The following AKAP13 variants were observed in gnomAD, a reference collection of about 807,000 sequenced individuals.
AKAP13 encodes the protein A-kinase anchoring protein 13.
A neutral mutation model predicts 264.5 loss-of-function variants in AKAP13; 80 were observed. The observed-to-expected ratio is 0.30, with a 90% CI of 0.25 to 0.36. The LOEUF (loss-of-function observed/expected upper bound fraction) is 0.36. Among genes scored for constraint, AKAP13 ranks in the 10% least tolerant of loss-of-function variants. The probability of loss-of-function intolerance (pLI) is 1.00; values close to 1 mark genes in which losing one functional copy is unlikely to be tolerated. For synonymous variants in AKAP13, 1,380 were observed against 1,250.2 expected, an observed-to-expected ratio of 1.10 and a Z score of -2.19; for missense variants, 3,712 against 3,435.2, an observed-to-expected ratio of 1.08 and a Z score of -2.01.
At chr15:85,478,810 G>A (rs147177999) in intron 1 of AKAP13, among the ~76,000 whole-genome samples, 103 of 148,976 alleles carry the variant, frequency 6.9e-4, no homozygotes, top group African/African-American at 2.5e-3. Context: ...TAACTGTTCC[G>A]TATGAGAATC....
At chr15:85,723,429 TCTAAACA>T (rs1357758344) in intron 26 of AKAP13, 109 bp downstream of exon 26, 7 of 1,457,880 alleles carry the variant, frequency 4.8e-6, no homozygotes, top group Non-Finnish European at 6.5e-6. Flanking sequence ...AGAGCCCATC[TCTAAACA>T]CTACCCAGGA....
chr15:85,473,283 C>G (rs1051731937), intron 1 of AKAP13, among the ~76,000 whole-genome samples: 1 of 152,098 alleles, frequency 6.6e-6, no homozygotes. Flanking sequence ...GGGATGTAGG[C>G]TTACAGACCC....
chr15:85,648,537 A>G (rs923347125), intron 10 of AKAP13, among the ~76,000 whole-genome samples: 2 of 152,210 alleles, frequency 1.3e-5, no homozygotes, highest in African/African-American at 4.8e-5. Flanking sequence ...TTTCAAGAAT[A>G]TTAGACATAT....
intron 8 of AKAP13, among the ~76,000 whole-genome samples, chr15:85,621,041 T>TGAGG (rs1432967589): frequency 2.0e-5 from 3 of 152,182 alleles, no homozygotes; most frequent in African/African-American, 7.2e-5. Context: ...ACTGAACTTG[T>TGAGG]GAGGGTGTAT....
intron 5 of AKAP13, among the ~76,000 whole-genome samples, chr15:85,554,942 C>T (rs527289514): frequency 6.6e-6 from 1 of 152,224 alleles, no homozygotes; most frequent in Non-Finnish European, 1.5e-5. Context: ...TACTCATAGA[C>T]AGTAGTTGCT....
Position 85,743,668 on chromosome 15 carries a change from C to T in AKAP13, c.8235C>T (p.His2745=). 1 of 1,614,164 alleles carries T rather than the reference C, an allele frequency of 6.2e-7. No homozygotes were observed. The highest frequency in any genetic ancestry group is 2.2e-5 in the East Asian group (1 of 44,890). The change falls in exon 36 of 37, where the codon CAC becomes CAT. Residue 2745 remains histidine (H), a synonymous_variant. Transcript: ENST00000394518. ...SRTHKDKGPF[H]ILSSTSQTNK... ...CACACAAAGATAAGGGGCCTTTTCACATACTGAGTTCAACCAGCCAGACAA... is the reference window on the plus strand; with the variant it reads ...CACACAAAGATAAGGGGCCTTTTCATATACTGAGTTCAACCAGCCAGACAA...
At chr15:85,527,860 T>A (rs2077126964) in intron 3 of AKAP13, among the ~76,000 whole-genome samples, 1 of 152,164 alleles carries the variant, frequency 6.6e-6, no homozygotes, top group African/African-American at 2.4e-5. Context: ...GACACCAGAT[T>A]TTTAGAGACT....
chr15:85,456,171 A>G (rs2074272551), intron 1 of AKAP13, among the ~76,000 whole-genome samples: 1 of 152,218 alleles, frequency 6.6e-6, no homozygotes, highest in Admixed American at 6.5e-5. Flanking sequence ...GTAAAGAATC[A>G]TACCCTTTCT....
chr15:85,565,534 G>T (rs2078575698), intron 5 of AKAP13, among the ~76,000 whole-genome samples: 1 of 152,202 alleles, frequency 6.6e-6, no homozygotes, highest in Non-Finnish European at 1.5e-5. Context: ...GAAACACAAG[G>T]CTGACGGACA....
At chr15:85,707,911 G>T in intron 17 of AKAP13, 108 bp from the exon 18 acceptor site, 1 of 1,031,634 alleles carries the variant, frequency 9.7e-7, no homozygotes, top group East Asian at 2.4e-5. Context: ...TCTCACATGT[G>T]AGTGACTTCA....
chr15:85,395,317 T>C (rs898685435), intron 1 of AKAP13, among the ~76,000 whole-genome samples: 2 of 152,216 alleles, frequency 1.3e-5, no homozygotes, highest in African/African-American at 4.8e-5. Flanking sequence ...TTCAAGTCTT[T>C]CTTTTTTTCT....
At chr15:85,737,339 CAT>C (rs2088615484) in intron 33 of AKAP13, among the ~76,000 whole-genome samples, 1 of 152,114 alleles carries the variant, frequency 6.6e-6, no homozygotes, top group South Asian at 2.1e-4. Flanking sequence ...CTTGTTGTGA[CAT>C]AATCTTCAGA....
chr15:85,614,023 T>C (rs1218625568), intron 8 of AKAP13, among the ~76,000 whole-genome samples: 1 of 152,096 alleles, frequency 6.6e-6, no homozygotes, highest in Non-Finnish European at 1.5e-5. Flanking sequence ...AAAGAAAATA[T>C]ATGGGAAGTA....
chr15:85,687,306 A>G (rs1382046212), intron 16 of AKAP13, among the ~76,000 whole-genome samples: 1 of 152,222 alleles, frequency 6.6e-6, no homozygotes, highest in Non-Finnish European at 1.5e-5. Context: ...GTTACTATAC[A>G]GCGTAATTTT....
intron 5 of AKAP13, among the ~76,000 whole-genome samples, chr15:85,560,248 C>G (rs2078320734): frequency 6.6e-6 from 1 of 151,646 alleles, no homozygotes; most frequent in Admixed American, 6.6e-5. Context: ...TCACTGCAGC[C>G]TTGACCACTC....
At chr15:85,660,575 G>T (rs1049975096) in intron 12 of AKAP13, among the ~76,000 whole-genome samples, 2 of 152,124 alleles carry the variant, frequency 1.3e-5, no homozygotes, top group Non-Finnish European at 2.9e-5. Context: ...TTCTAAAAAA[G>T]AAGTTGGATA....
chr15:85,624,935 T>G (rs558451721), intron 8 of AKAP13, among the ~76,000 whole-genome samples: 1 of 152,324 alleles, frequency 6.6e-6, no homozygotes, highest in South Asian at 2.1e-4. Flanking sequence ...TGAGGTAACT[T>G]CCATTATCCC....
Position 85,682,096 on chromosome 15 carries a change from A to T in AKAP13, c.5102-62A>T. 14 of 1,464,310 alleles carry T rather than the reference A, an allele frequency of 9.6e-6. No individual in the cohort carries two copies. The South Asian group carries it at 1.5e-4, about 16-fold the overall frequency. The allele number at this position is 1,464,310 out of a possible 1,614,324, so 90.7% of individuals were successfully genotyped here. ...GCTGTGTCATTGTGAATTTATAAATATTCTACCCGGCATCAGTGTTAAATT... is the reference window on the plus strand; with the variant it reads ...GCTGTGTCATTGTGAATTTATAAATTTTCTACCCGGCATCAGTGTTAAATT... On this transcript the variant is annotated intron_variant, in intron 14 of 36. Transcript: ENST00000394518.
intron 5 of AKAP13, among the ~76,000 whole-genome samples, chr15:85,564,521 A>G (rs4843070): frequency 0.21 from 31,651 of 152,116 alleles, 3,652 homozygotes; most frequent in East Asian, 0.35. Flanking sequence ...AATCTAATAT[A>G]TAGTAGTTTA....
Sources: gnomAD v4.1 joint callset for allele counts (sites outside exome capture counted in the v4.1 genomes callset) on GRCh38, gnomAD v4.1.1 for gene constraint, MANE v1.5 for transcripts, NCBI Gene and HGNC (gene_info 2026-07-23, HGNC 2026-07-21) for gene names.